The following LHFPL3 variants were observed in gnomAD, a reference collection of about 807,000 sequenced individuals.
LHFPL3 encodes the protein LHFPL tetraspan subfamily member 3, also known as LHFPL tetraspan subfamily member 3 protein.
Under a neutral mutation model 19.3 loss-of-function variants are expected in LHFPL3, and 5 were observed. That is an observed-to-expected ratio of 0.26 (90% CI 0.14 to 0.54). The LOEUF is 0.54. Ranked by LOEUF, LHFPL3 falls within the 20% of genes least tolerant of loss-of-function variation. LHFPL3 has a pLI of 0.94. For missense variants in LHFPL3, 249 were observed against 307.4 expected, an observed-to-expected ratio of 0.81 and a Z score of 1.42; for synonymous variants, 133 against 126.2, an observed-to-expected ratio of 1.05 and a Z score of -0.36.
At chr7:104,552,535 G>A (rs1794680634) in intron 1 of LHFPL3, among the ~76,000 whole-genome samples, 1 of 152,118 alleles carries the variant, frequency 6.6e-6, no homozygotes, top group African/African-American at 2.4e-5. Flanking sequence ...GGTAAAAATG[G>A]GAAGGCATCT....
At chr7:104,426,368 T>G (rs887190525) in intron 1 of LHFPL3, among the ~76,000 whole-genome samples, 11 of 152,182 alleles carry the variant, frequency 7.2e-5, no homozygotes, top group Non-Finnish European at 2.9e-5. Context: ...GCGATTCTCC[T>G]GCCTCATCCT....
At chr7:104,615,282 C>A (rs1210239005) in intron 1 of LHFPL3, among the ~76,000 whole-genome samples, 1 of 152,174 alleles carries the variant, frequency 6.6e-6, no homozygotes, top group Non-Finnish European at 1.5e-5. Context: ...TTATTTAAAA[C>A]ATTTGTACTA....
intron 1 of LHFPL3, among the ~76,000 whole-genome samples, chr7:104,380,336 A>G (rs1790803478): frequency 6.6e-6 from 1 of 152,180 alleles, no homozygotes; most frequent in African/African-American, 2.4e-5. Context: ...ACATTAAGAG[A>G]TGTTAGATGT....
At chr7:104,593,590 T>C (rs1790775198) in intron 1 of LHFPL3, among the ~76,000 whole-genome samples, 2 of 152,316 alleles carry the variant, frequency 1.3e-5, no homozygotes, top group African/African-American at 4.8e-5. Flanking sequence ...GTCCTGGATA[T>C]CCTTGTTAAC....
At chr7:104,759,870 G>A (rs964336666) in intron 2 of LHFPL3, 1 of 152,194 alleles carries the variant, frequency 6.6e-6, no homozygotes, top group African/African-American at 2.4e-5. Context: ...GAAAATCAAG[G>A]TTCAGGCATG....
intron 1 of LHFPL3, among the ~76,000 whole-genome samples, chr7:104,368,923 A>G (rs1194345827): frequency 6.6e-6 from 1 of 152,216 alleles, no homozygotes; most frequent in African/African-American, 2.4e-5. Flanking sequence ...CCCTTACTAC[A>G]TACTTACCAG....
rs140346202 is a variant in LHFPL3 at position 104,347,957 on chromosome 7, A to G, written c.445+18733A>G. Among the ~76,000 whole-genome samples, 93 of 152,316 alleles carry G rather than the reference A, an allele frequency of 6.1e-4. 1 individual carries two copies. The highest frequency in any genetic ancestry group is 2.0e-3 in the African/African-American group (82 of 41,580). ...ATACACAAAACTGATGTCACAATCCAAAGCTTTCTATTAGAAACTGATATA... is the reference window on the plus strand; with the variant it reads ...ATACACAAAACTGATGTCACAATCCGAAGCTTTCTATTAGAAACTGATATA... On this transcript the variant is annotated intron_variant, in intron 1 of 2. Coordinates refer to ENST00000424859, the MANE Select transcript of LHFPL3 (RefSeq NM_199000.3).
intron 1 of LHFPL3, among the ~76,000 whole-genome samples, chr7:104,577,250 A>G (rs1188567766): frequency 1.3e-5 from 2 of 152,136 alleles, no homozygotes; most frequent in East Asian, 3.9e-4. Flanking sequence ...GTGGGTAATC[A>G]AAAACAATGC....
At chr7:104,575,559 T>TAAAAAAAAAAAAAAAAAA (rs58118006) in intron 1 of LHFPL3, among the ~76,000 whole-genome samples, 33 of 36,172 alleles carry the variant, frequency 9.1e-4, no homozygotes, top group African/African-American at 1.3e-3. Flanking sequence ...CAAAGAGATC[T>TAAAAAAAAAAAAAAAAAA]AAAAAAAAAA....
chr7:104,675,776 A>G (rs1426431565), intron 1 of LHFPL3, among the ~76,000 whole-genome samples: 1 of 152,322 alleles, frequency 6.6e-6, no homozygotes, highest in East Asian at 1.9e-4. Context: ...CTGAGAAGCT[A>G]GAAAGACGGA....
At chr7:104,752,920 A>C (rs1182597056) in intron 2 of LHFPL3, 4 of 333,778 alleles carry the variant, frequency 1.2e-5, no homozygotes, top group African/African-American at 6.4e-5. Context: ...AATATCTTAC[A>C]TCAGTGTGGT....
rs1345302542 is a variant in LHFPL3 at position 104,842,323 on chromosome 7, C to T, written c.683-63864C>T. ...GGGGGTGGGGGGAGGCTTTTTCCTACATGGGCTACCCACCAAAACCTAGCC... is the reference window on the plus strand; with the variant it reads ...GGGGGTGGGGGGAGGCTTTTTCCTATATGGGCTACCCACCAAAACCTAGCC... On this transcript the variant is annotated intron_variant, in intron 2 of 2. Transcript: ENST00000424859. Among the ~76,000 whole-genome samples, 3 of 152,036 alleles carry T rather than the reference C, an allele frequency of 2.0e-5. No homozygotes were observed. The East Asian group carries it at 5.8e-4, about 29-fold the overall frequency.
intron 1 of LHFPL3, among the ~76,000 whole-genome samples, chr7:104,348,280 G>A (rs1197455190): frequency 6.6e-6 from 1 of 152,162 alleles, no homozygotes; most frequent in Non-Finnish European, 1.5e-5. Context: ...AGCTATTGGA[G>A]GCTGAGGCAG....
intron 1 of LHFPL3, among the ~76,000 whole-genome samples, chr7:104,675,965 T>A (rs1584475293): frequency 6.6e-6 from 1 of 152,330 alleles, no homozygotes; most frequent in East Asian, 1.9e-4. Context: ...AGCATAGGGA[T>A]GTTTTTTAAA....
At chr7:104,761,378 A>G (rs958709426) in intron 2 of LHFPL3, among the ~76,000 whole-genome samples, 2 of 152,162 alleles carry the variant, frequency 1.3e-5, no homozygotes, top group African/African-American at 4.8e-5. Flanking sequence ...ATTTGAATAA[A>G]TGAAAAAAAT....
At chr7:104,617,791 T>C (rs1407892468) in intron 1 of LHFPL3, among the ~76,000 whole-genome samples, 1 of 152,216 alleles carries the variant, frequency 6.6e-6, no homozygotes, top group Non-Finnish European at 1.5e-5. Context: ...GGTAATTCCA[T>C]AGTTTGTTGA....
At chr7:104,601,043 A>G (rs1790955081) in intron 1 of LHFPL3, among the ~76,000 whole-genome samples, 1 of 151,572 alleles carries the variant, frequency 6.6e-6, no homozygotes, top group Non-Finnish European at 1.5e-5. Context: ...CAATTCTTAA[A>G]CTCCTTTCTA....
At chr7:104,620,940 T>C (rs1584444355) in intron 1 of LHFPL3, among the ~76,000 whole-genome samples, 2 of 152,258 alleles carry the variant, frequency 1.3e-5, no homozygotes, top group East Asian at 3.8e-4. Flanking sequence ...ACAGTCTTTT[T>C]TTCAACCCCT....
intron 1 of LHFPL3, among the ~76,000 whole-genome samples, chr7:104,580,836 T>C (rs1790446598): frequency 6.6e-6 from 1 of 152,144 alleles, no homozygotes; most frequent in Non-Finnish European, 1.5e-5. Flanking sequence ...CATAATTTTT[T>C]TAGATCCATT....
Sources: gnomAD v4.1 joint callset for allele counts (sites outside exome capture counted in the v4.1 genomes callset) on GRCh38, gnomAD v4.1.1 for gene constraint, MANE v1.5 for transcripts, NCBI Gene and HGNC (gene_info 2026-07-23, HGNC 2026-07-21) for gene names.